UBTD1: variants seen among roughly 807,000 people sequenced by gnomAD.
The protein encoded by UBTD1 is ubiquitin domain containing 1.
Under a neutral mutation model 21.7 loss-of-function variants are expected in UBTD1, and 19 were observed. That is an observed-to-expected ratio of 0.87 (90% CI 0.61 to 1.28). UBTD1 has a LOEUF of 1.28. UBTD1 is among the 50% of genes most tolerant of loss of function. The probability of loss-of-function intolerance (pLI) is 0.00; values close to 1 mark genes in which losing one functional copy is unlikely to be tolerated. For missense variants in UBTD1, 282 were observed against 315.1 expected (o/e 0.89, Z 0.80); for synonymous variants, 116 against 135.1 (o/e 0.86, Z 0.98).
At chr10:97,532,443 C>G (rs1449228689) in intron 1 of UBTD1, among the ~76,000 whole-genome samples, 1 of 151,642 alleles carries the variant, frequency 6.6e-6, no homozygotes, top group Non-Finnish European at 1.5e-5. Flanking sequence ...GTCAGGAGTT[C>G]AAGACCAGCC....
At chr10:97,535,445 A>G (rs1002807419) in intron 1 of UBTD1, among the ~76,000 whole-genome samples, 2 of 151,860 alleles carry the variant, frequency 1.3e-5, no homozygotes, top group African/African-American at 4.8e-5. Flanking sequence ...GAAACCCCAT[A>G]TCTACTGAAA....
Position 97,570,755 on chromosome 10 carries a change from G to A in UBTD1, c.*232G>A, listed in dbSNP as rs1199030019. The stretch of plus-strand genomic sequence containing the variant: ...CCTTGTCAGAGAAAAGGCGAACAGG[G>A]CCCTCACCCTGCCTGTCTCCCGAAG... On this transcript the variant is annotated 3_prime_UTR_variant, in exon 3 of 3. Transcript: ENST00000370664. The surrounding 1 kb of genome is among the most constrained non-coding windows in gnomAD (Gnocchi z 6.6). 8 of 536,028 alleles carry A rather than the reference G, an allele frequency of 1.5e-5. No homozygotes were observed. In the Admixed American group the frequency reaches 1.6e-4, roughly 11 times the overall value. 33.2% of individuals were successfully genotyped at this position (536,028 alleles called of 1,614,324 possible). A position where few individuals can be genotyped will look rare whatever the true frequency, so the allele number is the denominator to read the frequency against.
intron 1 of UBTD1, 28 bp from the exon 2 acceptor site, chr10:97,567,886 G>A (rs1198671370): frequency 6.2e-7 from 1 of 1,612,314 alleles, no homozygotes; most frequent in Non-Finnish European, 8.5e-7. Context: ...CTTTAGAGAT[G>A]CTGAGCCTCT....
At chr10:97,544,559 A>G (rs1205882334) in intron 1 of UBTD1, among the ~76,000 whole-genome samples, 3 of 152,224 alleles carry the variant, frequency 2.0e-5, no homozygotes, top group Admixed American at 6.5e-5. Context: ...CTCCTCAAAA[A>G]CTTAGCTACT....
chr10:97,523,709 T>G (rs1193885640), intron 1 of UBTD1, among the ~76,000 whole-genome samples: 1 of 151,878 alleles, frequency 6.6e-6, no homozygotes, highest in Non-Finnish European at 1.5e-5. Context: ...ATGGGGGCGG[T>G]ATTTTTCCTC....
At chr10:97,555,777 G>T (rs2040661208) in intron 1 of UBTD1, among the ~76,000 whole-genome samples, 1 of 152,214 alleles carries the variant, frequency 6.6e-6, no homozygotes, top group South Asian at 2.1e-4. Flanking sequence ...TCTAAGTTAT[G>T]AGTTGAGTTT....
intron 1 of UBTD1, among the ~76,000 whole-genome samples, chr10:97,543,302 C>T (rs1220348111): frequency 6.6e-6 from 1 of 152,130 alleles, no homozygotes; most frequent in Non-Finnish European, 1.5e-5. Flanking sequence ...GAGTCATGGG[C>T]CGAGGAGGAG....
Position 97,568,155 on chromosome 10 carries a change from G to A in UBTD1, c.298+14G>A. 1 of 1,613,194 alleles carries A rather than the reference G, an allele frequency of 6.2e-7. No homozygotes were observed. Among genetic ancestry groups the A allele is most frequent in the Non-Finnish European group, 8.5e-7 (1 of 1,179,884 alleles). ...CCCTGCCTCATGGTAAGTGGGCAGG[G>A]CCAGGGCTTTATCCCCGCTGGAGCT... is the stretch of plus-strand genomic sequence containing the variant. On this transcript the variant is annotated intron_variant, in intron 2 of 2. Coordinates refer to ENST00000370664, the MANE Select transcript of UBTD1 (RefSeq NM_024954.5).
At chr10:97,567,166 G>A (rs1416249766) in intron 1 of UBTD1, among the ~76,000 whole-genome samples, 1 of 151,726 alleles carries the variant, frequency 6.6e-6, no homozygotes, top group Admixed American at 6.6e-5. Flanking sequence ...AACCTCCCAG[G>A]CTCAAGTGAT....
intron 1 of UBTD1, 42 bp from the exon 2 acceptor site, chr10:97,567,871 AG>A: frequency 6.2e-7 from 1 of 1,603,686 alleles, no homozygotes; most frequent in Non-Finnish European, 8.5e-7. Context: ...TTGCAGCTCA[AG>A]TGGCTTTAGA....
In UBTD1 at chr10:97,570,698, AG is replaced by A; in HGVS notation, c.*178del. ...TACGCGCCACCAGTTCCCGGTACCCAGGGAGCAGGCAGCCACACACGGGCCT... is the reference window on the plus strand; with the variant it reads ...TACGCGCCACCAGTTCCCGGTACCCAGGAGCAGGCAGCCACACACGGGCCT... On this transcript the variant is annotated 3_prime_UTR_variant, in exon 3 of 3. Coordinates refer to ENST00000370664, the MANE Select transcript of UBTD1 (RefSeq NM_024954.5). The surrounding 1 kb of genome is among the most constrained non-coding windows in gnomAD (Gnocchi z 6.6). 1.3e-6 allele frequency: 1 copy of A among 759,642 alleles called. No homozygotes were observed. Among genetic ancestry groups the A allele is most frequent in the East Asian group, 2.7e-5 (1 of 36,776 alleles). 47.1% of individuals were successfully genotyped at this position (759,642 alleles called of 1,614,324 possible).
At chr10:97,521,351 G>A (rs1189293945) in intron 1 of UBTD1, among the ~76,000 whole-genome samples, 4 of 152,168 alleles carry the variant, frequency 2.6e-5, no homozygotes, top group Non-Finnish European at 5.9e-5. Context: ...ACTCATGAGT[G>A]GAAGTTTCCA....
intron 1 of UBTD1, among the ~76,000 whole-genome samples, chr10:97,547,901 GA>G (rs1554867090): frequency 0.064 from 2,770 of 43,456 alleles, 79 homozygotes; most frequent in East Asian, 0.11. Context: ...GCAACTTTAT[GA>G]AAAAAAAAAA....
intron 1 of UBTD1, among the ~76,000 whole-genome samples, chr10:97,547,377 T>C (rs1383017360): frequency 1.3e-5 from 2 of 152,230 alleles, no homozygotes; most frequent in East Asian, 3.9e-4. Flanking sequence ...TCCTGTTTTA[T>C]TTATTAGCCA....
At chr10:97,530,693 C>T (rs995633645) in intron 1 of UBTD1, among the ~76,000 whole-genome samples, 5 of 151,938 alleles carry the variant, frequency 3.3e-5, no homozygotes, top group African/African-American at 4.8e-5. Flanking sequence ...AAAACAGGAT[C>T]GTGGACATCA....
intron 1 of UBTD1, among the ~76,000 whole-genome samples, chr10:97,536,660 C>T (rs561571032): frequency 1.8e-4 from 27 of 152,254 alleles, no homozygotes; most frequent in East Asian, 7.7e-4. Context: ...CTTATCCTGC[C>T]GGCCTGCACA....
chr10:97,500,891 C>T (rs1334590211), intron 1 of UBTD1, among the ~76,000 whole-genome samples: 2 of 152,258 alleles, frequency 1.3e-5, no homozygotes, highest in Non-Finnish European at 2.9e-5. Context: ...CCACTGGACA[C>T]TGTGATATAG....
intron 1 of UBTD1, among the ~76,000 whole-genome samples, chr10:97,506,770 T>C (rs761595725): frequency 5.3e-4 from 81 of 152,334 alleles, no homozygotes; most frequent in Admixed American, 2.7e-3. Context: ...TATTTCTCCT[T>C]TTGTGGCTGG....
At chr10:97,564,987 C>T (rs78182621) in intron 1 of UBTD1, among the ~76,000 whole-genome samples, 1 of 152,294 alleles carries the variant, frequency 6.6e-6, no homozygotes, top group South Asian at 2.1e-4. Flanking sequence ...AAGTCCCCGC[C>T]CCTTCAAGTT....
Sources: gnomAD v4.1 joint callset for allele counts (sites outside exome capture counted in the v4.1 genomes callset) on GRCh38, gnomAD v4.1.1 for gene constraint, Gnocchi (gnomAD v3.1) non-coding constraint, MANE v1.5 for transcripts, NCBI Gene and HGNC (gene_info 2026-07-23, HGNC 2026-07-21) for gene names.